The following PLXNA1 variants were observed in gnomAD, a reference collection of about 807,000 sequenced individuals.
The protein encoded by PLXNA1 is plexin-A1.
PLXNA1 carries 77 observed loss-of-function variants against 191.7 expected under a neutral mutation model. The observed-to-expected ratio is 0.40, with a 90% CI of 0.33 to 0.49. The LOEUF is 0.49. Ranked by LOEUF, PLXNA1 falls within the 20% of genes least tolerant of loss-of-function variation. PLXNA1 has a pLI of 0.63. For synonymous variants in PLXNA1, 1,137 were observed against 1,156.4 expected (o/e 0.98, Z 0.34); for missense variants, 2,110 against 2,660.2 (o/e 0.79, Z 4.55).
intron 7 of PLXNA1, 144 bp from the exon 8 acceptor site, chr3:127,005,935 G>T: frequency 1.4e-6 from 1 of 705,694 alleles, no homozygotes; most frequent in Non-Finnish European, 2.6e-6. Context: ...TCACCTGGGG[G>T]CTGAGGGGGC....
At chr3:127,002,560 G>A (rs1258582185) in intron 3 of PLXNA1, among the ~76,000 whole-genome samples, 2 of 152,232 alleles carry the variant, frequency 1.3e-5, no homozygotes, top group Non-Finnish European at 2.9e-5. Context: ...TAGAGCGGGA[G>A]CAGGAGTGGG....
intron 7 of PLXNA1, 82 bp from the exon 8 acceptor site, chr3:127,005,997 A>G (rs1478245602): frequency 1.2e-5 from 12 of 1,027,808 alleles, no homozygotes; most frequent in Non-Finnish European, 1.7e-5. Context: ...GTCTCCGGGC[A>G]AGTTGTTCCC....
intron 3 of PLXNA1, among the ~76,000 whole-genome samples, chr3:126,995,421 G>A (rs556627225): frequency 3.3e-5 from 5 of 152,344 alleles, no homozygotes; most frequent in African/African-American, 9.6e-5. Context: ...CACAGGCCCC[G>A]GCCTCCTGCA....
rs1186077658 is a variant in PLXNA1 at position 127,034,147 on chromosome 3, C to T, written c.*130C>T. The T allele has an allele frequency of 7.6e-6, 6 of 791,534 alleles. No individual in the cohort carries two copies. The highest frequency in any genetic ancestry group is 2.8e-5 in the East Asian group (1 of 36,246). 49.0% of individuals were successfully genotyped at this position (791,534 alleles called of 1,614,324 possible). The stretch of plus-strand genomic sequence containing the variant: ...GCCGCAGTGCAGCGACTGCCCGGCC[C>T]TCCCTCCCCTGCCTCACCCGGTCGG... On this transcript the variant is annotated 3_prime_UTR_variant, in exon 32 of 32. Coordinates refer to ENST00000393409, the MANE Select transcript of PLXNA1 (RefSeq NM_032242.4).
At chr3:126,992,250 G>A (rs115214347) in intron 3 of PLXNA1, among the ~76,000 whole-genome samples, 2 of 152,148 alleles carry the variant, frequency 1.3e-5, no homozygotes, top group African/African-American at 4.8e-5. Flanking sequence ...AGCTGCCTGG[G>A]CTGGGGTGGG....
intron 9 of PLXNA1, among the ~76,000 whole-genome samples, chr3:127,011,621 C>T (rs929642830): frequency 6.6e-6 from 1 of 152,178 alleles, no homozygotes; most frequent in Non-Finnish European, 1.5e-5. Context: ...ACTCCCTGGG[C>T]CCCCAGCGCA....
chr3:127,005,235 G>A lies in PLXNA1; in HGVS notation c.1889G>A (p.Arg630Gln), dbSNP rs370707852. The change falls in exon 7 of 32, where the codon CGG (arginine) becomes CAG (glutamine). Residue 630 changes from arginine (R) to glutamine (Q), a missense_variant. Arg to Gln is a conservative substitution (Grantham distance 43, BLOSUM62 1). Transcript: ENST00000393409. ...GCCCGGGAGGTGGCGCCCATCACGC[G>A]GGGCCAGGGTGAGTGGCCCCAACAC... is the stretch of plus-strand genomic sequence containing the variant. Reference protein sequence around the residue: ...PSAREVAPITRGQGDQRVVKL... With the variant: ...PSAREVAPITQGQGDQRVVKL... 1.1e-5 allele frequency: 17 copies of A among 1,606,290 alleles called. No individual in the cohort carries two copies. Among genetic ancestry groups the A allele is most frequent in the African/African-American group, 1.3e-5 (1 of 74,820 alleles).
chr3:127,029,092 AC>A lies in PLXNA1; in HGVS notation c.4771del (p.Gln1591ArgfsTer2). The stretch of plus-strand genomic sequence containing the variant: ...AAGAGGCTGAACACACTGGCTCACT[AC>A]CAGGTGGCTCCCGGCCCTCCGACCC... ...DWKRLNTLAHYQVTDGSSVAL... is the reference protein window; with the variant it reads ...DWKRLNTLAHXQVTDGSSVAL... On this transcript the variant is annotated frameshift_variant, in exon 26 of 32. Transcript: ENST00000393409. LOFTEE classifies it high-confidence loss of function. The A allele has an allele frequency of 1.2e-6, 2 of 1,613,208 alleles. No individual in the cohort carries two copies. Among genetic ancestry groups the A allele is most frequent in the Non-Finnish European group, 1.7e-6 (2 of 1,179,502 alleles).
chr3:127,034,307 C>T lies in PLXNA1; in HGVS notation c.*290C>T. 1 of 350,600 alleles carries T rather than the reference C, an allele frequency of 2.9e-6. No homozygotes were observed. Among genetic ancestry groups the T allele is most frequent in the Non-Finnish European group, 5.2e-6 (1 of 191,788 alleles). 21.7% of individuals were successfully genotyped at this position (350,600 alleles called of 1,614,324 possible). ...CCTTCATTGCCTGGCAAGAGCTGCC[C>T]AGTGGCCTTCATGGGAGAAGGGCTG... On this transcript the variant is annotated 3_prime_UTR_variant, in exon 32 of 32. Coordinates refer to ENST00000393409, the MANE Select transcript of PLXNA1 (RefSeq NM_032242.4).
chr3:127,012,577 T>G (rs1341345348), intron 10 of PLXNA1, among the ~76,000 whole-genome samples: 1 of 152,214 alleles, frequency 6.6e-6, no homozygotes, highest in Non-Finnish European at 1.5e-5. Context: ...AGGGCAGAGG[T>G]CAGGGTGCCA....
intron 3 of PLXNA1, among the ~76,000 whole-genome samples, chr3:126,993,674 G>A (rs2079002057): frequency 6.6e-6 from 1 of 152,242 alleles, no homozygotes; most frequent in Non-Finnish European, 1.5e-5. Context: ...CACCCTTTGG[G>A]AGCATCTGGG....
chr3:127,004,872 C>G lies in PLXNA1; in HGVS notation c.1620-13C>G, dbSNP rs765880068. 6.3e-7 allele frequency: 1 copy of G among 1,580,622 alleles called. No homozygotes were observed. The highest frequency in any genetic ancestry group is 1.2e-5 in the South Asian group (1 of 85,986). On this transcript the variant is annotated splice_polypyrimidine_tract_variant and intron_variant, in intron 5 of 31. Coordinates refer to ENST00000393409, the MANE Select transcript of PLXNA1 (RefSeq NM_032242.4). ...TCTCCCCATCCGCCCAGCCTCAACC[C>G]CTCTGCCTGCAGCTGCTCGCGGCGG... is the stretch of plus-strand genomic sequence containing the variant.
At chr3:127,007,748 C>A in intron 8 of PLXNA1, 51 bp from the exon 9 acceptor site, 1 of 1,167,366 alleles carries the variant, frequency 8.6e-7, no homozygotes, top group Non-Finnish European at 1.3e-6. Context: ...TCATGGGTGA[C>A]TCCACGTGGT....
chr3:127,016,248 C>G (rs1266360562), intron 15 of PLXNA1, among the ~76,000 whole-genome samples: 1 of 152,092 alleles, frequency 6.6e-6, no homozygotes, highest in Non-Finnish European at 1.5e-5. Context: ...GACAGGGAGG[C>G]TGTGATGAAA....
intron 8 of PLXNA1, 56 bp downstream of exon 8, chr3:127,006,234 C>CGT (rs2079068598): frequency 7.4e-7 from 1 of 1,354,038 alleles, no homozygotes; most frequent in South Asian, 1.2e-5. Context: ...GCCCCACTCC[C>CGT]GTCCCTGTGG....
intron 3 of PLXNA1, among the ~76,000 whole-genome samples, chr3:126,999,236 C>G (rs1199849755): frequency 6.6e-6 from 1 of 152,194 alleles, no homozygotes; most frequent in African/African-American, 2.4e-5. Flanking sequence ...CCACCTCAGG[C>G]TGGGGACGGG....
chr3:126,990,358 A>G (rs1025697276), intron 2 of PLXNA1, among the ~76,000 whole-genome samples: 1 of 152,200 alleles, frequency 6.6e-6, no homozygotes, highest in African/African-American at 2.4e-5. Flanking sequence ...GCCACAGTTA[A>G]CAACTTGCAG....
At chr3:127,007,963 T>A (rs764310925) in intron 9 of PLXNA1, 50 bp downstream of exon 9, 1 of 1,294,050 alleles carries the variant, frequency 7.7e-7, no homozygotes, top group South Asian at 1.3e-5. Context: ...GGAGCAGAAC[T>A]GGGTTGAGAC....
intron 10 of PLXNA1, 109 bp downstream of exon 10, chr3:127,012,267 C>T (rs2079099841): frequency 5.3e-6 from 6 of 1,127,276 alleles, no homozygotes; most frequent in Non-Finnish European, 7.6e-6. Context: ...TGCACGTGCT[C>T]ACGTGTATCT....
Sources: gnomAD v4.1 joint callset for allele counts (sites outside exome capture counted in the v4.1 genomes callset) on GRCh38, gnomAD v4.1.1 for gene constraint, MANE v1.5 for transcripts, NCBI Gene and HGNC (gene_info 2026-07-23, HGNC 2026-07-21) for gene names.